The following SV2C variants were observed in gnomAD, a reference collection of about 807,000 sequenced individuals.
SV2C encodes the protein solute carrier family 22 member B3.
SV2C carries 49 observed loss-of-function variants against 79.7 expected under a neutral mutation model. The ratio of observed to expected loss-of-function variants is 0.61; its 90% CI spans 0.49 to 0.78. The LOEUF (loss-of-function observed/expected upper bound fraction) is 0.78, where lower values mean the gene tolerates loss of function less well. Among genes scored for constraint, SV2C ranks in the 30% least tolerant of loss-of-function variants. The pLI is 0.00. For synonymous variants in SV2C, 334 were observed against 333.2 expected (o/e 1.00, Z -0.03); for missense variants, 833 against 912.9 (o/e 0.91, Z 1.13).
chr5:76,003,300 T>C, the SV2C span, among the ~76,000 whole-genome samples: 1 of 152,096 alleles, frequency 6.6e-6, no homozygotes, highest in African/African-American at 2.4e-5. Context: ...ACTATAAAGA[T>C]GAGGTGGGAG....
intron 3 of SV2C, among the ~76,000 whole-genome samples, chr5:76,198,808 C>G (rs979344360): frequency 2.0e-5 from 3 of 152,130 alleles, no homozygotes; most frequent in African/African-American, 7.2e-5. Context: ...TCTCCAATTC[C>G]ATTCCAATTC....
chr5:75,891,246 G>A, the SV2C span, among the ~76,000 whole-genome samples: 4 of 152,106 alleles, frequency 2.6e-5, no homozygotes, highest in African/African-American at 9.7e-5. Context: ...CTGCAGAGGG[G>A]AAACAGAGAG....
intron 4 of SV2C, among the ~76,000 whole-genome samples, chr5:76,275,341 G>T (rs1425753422): frequency 1.3e-5 from 2 of 152,070 alleles, no homozygotes; most frequent in African/African-American, 4.8e-5. Context: ...CAAAAAATTA[G>T]CTGGGCATGG....
At chr5:76,075,202 A>G in the SV2C span, among the ~76,000 whole-genome samples, 2 of 152,148 alleles carry the variant, frequency 1.3e-5, no homozygotes, top group South Asian at 2.1e-4. Context: ...GCAAAGTTCT[A>G]TATGTCACAT....
At chr5:76,158,041 A>T (rs550200441) in intron 2 of SV2C, among the ~76,000 whole-genome samples, 1 of 151,864 alleles carries the variant, frequency 6.6e-6, no homozygotes, top group South Asian at 2.1e-4. Flanking sequence ...TTTTTAAAGT[A>T]GTAAAAAAAA....
chr5:75,968,882 C>A, the SV2C span, among the ~76,000 whole-genome samples: 18 of 151,938 alleles, frequency 1.2e-4, no homozygotes, highest in African/African-American at 3.9e-4. Context: ...GTCAGATTCA[C>A]CAAAGTTGAA....
the SV2C span, among the ~76,000 whole-genome samples, chr5:76,063,287 T>G: frequency 6.6e-6 from 1 of 152,110 alleles, no homozygotes; most frequent in African/African-American, 2.4e-5. Context: ...GAGGGGAAGC[T>G]AGGAATTCTT....
chr5:75,975,881 C>T, the SV2C span, among the ~76,000 whole-genome samples: 2 of 152,140 alleles, frequency 1.3e-5, no homozygotes, highest in Non-Finnish European at 2.9e-5. Flanking sequence ...AAACTGTCCT[C>T]TCTGATAGGC....
chr5:75,971,534 G>T, the SV2C span, among the ~76,000 whole-genome samples: 1 of 152,000 alleles, frequency 6.6e-6, no homozygotes, highest in Non-Finnish European at 1.5e-5. Context: ...ACCAATAACA[G>T]ACAAACAGAT....
rs772675705 is a variant in SV2C, at chr5:76,300,841, T to C, written c.1749T>C (p.Tyr583=). The C allele has an allele frequency of 6.2e-7, 1 of 1,614,210 alleles. No individual in the cohort carries two copies. Among genetic ancestry groups the C allele is most frequent in the Middle Eastern group, 1.6e-4 (1 of 6,062 alleles). ...ATGACTATAGTGCCTACTGGATTTA[T>C]TTTGTCAACTTTCTGGGGACATTGG... The part of the protein sequence containing the change: ...FDDDYSAYWI[Y]FVNFLGTLAV... The change falls in exon 11 of 13, where the codon TAT becomes TAC. Residue 583 remains tyrosine (Y), a synonymous_variant. Transcript: ENST00000502798.
At chr5:75,885,524 G>A in the SV2C span, among the ~76,000 whole-genome samples, 2 of 152,060 alleles carry the variant, frequency 1.3e-5, no homozygotes, top group Admixed American at 1.3e-4. Context: ...GATATGAGAA[G>A]CAAGAAAAAT....
chr5:76,123,718 C>G lies in SV2C; in HGVS notation c.-101-7932C>G, dbSNP rs905339488. Among the ~76,000 whole-genome samples, 3 of 152,146 alleles carry G rather than the reference C, an allele frequency of 2.0e-5. No individual in the cohort carries two copies. In the East Asian group the frequency reaches 5.8e-4, roughly 29 times the overall value. On this transcript the variant is annotated intron_variant, in intron 1 of 12. Coordinates refer to ENST00000502798, the MANE Select transcript of SV2C (RefSeq NM_014979.4). The stretch of plus-strand genomic sequence containing the variant: ...TCTATTGTTAGGAAAATTGTTTTGA[C>G]ATCACAGATTTCTTGAATAGTCTTG...
intron 4 of SV2C, among the ~76,000 whole-genome samples, chr5:76,239,298 A>T (rs1745709311): frequency 6.6e-6 from 1 of 152,212 alleles, no homozygotes; most frequent in Non-Finnish European, 1.5e-5. Context: ...TGCCATGTCC[A>T]TTGAGCAGTC....
At chr5:76,242,347 G>T (rs1745815005) in intron 4 of SV2C, 1 of 1,391,722 alleles carries the variant, frequency 7.2e-7, no homozygotes, top group Non-Finnish European at 9.9e-7. Context: ...GGGACGCAGC[G>T]GCGCGCGGGC....
At chr5:76,015,230 A>G in the SV2C span, among the ~76,000 whole-genome samples, 9 of 152,202 alleles carry the variant, frequency 5.9e-5, no homozygotes, top group African/African-American at 1.9e-4. Flanking sequence ...ATCTCTGAGT[A>G]ACCTTCACTA....
At chr5:76,100,579 A>T (rs1014534297) in intron 1 of SV2C, among the ~76,000 whole-genome samples, 1 of 152,212 alleles carries the variant, frequency 6.6e-6, no homozygotes, top group Non-Finnish European at 1.5e-5. Context: ...CAAATTGACC[A>T]TCTCCCTTGT....
Position 76,171,642 on chromosome 5 carries a change from C to T in SV2C, c.581-23277C>T, listed in dbSNP as rs1353563445. Among the ~76,000 whole-genome samples, 4 of 145,622 alleles carry T rather than the reference C, an allele frequency of 2.7e-5. No individual in the cohort carries two copies. In the East Asian group the frequency reaches 8.3e-4, roughly 30 times the overall value. ...GGTCAGCCCCCCGCCCGGCCAGCCGCCCCATCCGGGAGGGAGGTGGGGGGT... is the reference window on the plus strand; with the variant it reads ...GGTCAGCCCCCCGCCCGGCCAGCCGTCCCATCCGGGAGGGAGGTGGGGGGT... On this transcript the variant is annotated intron_variant, in intron 2 of 12. Coordinates refer to ENST00000502798, the MANE Select transcript of SV2C (RefSeq NM_014979.4).
chr5:75,855,102 A>G, the SV2C span, among the ~76,000 whole-genome samples: 1 of 152,236 alleles, frequency 6.6e-6, no homozygotes, highest in African/African-American at 2.4e-5. Flanking sequence ...ACTATTCTAT[A>G]TCTTTTGCAT....
intron 4 of SV2C, among the ~76,000 whole-genome samples, chr5:76,219,553 A>G (rs188297029): frequency 6.6e-6 from 1 of 152,286 alleles, no homozygotes; most frequent in Admixed American, 6.5e-5. Context: ...GGAAAGTCTC[A>G]CGTGCTGAAA....
Sources: gnomAD v4.1 joint callset for allele counts (sites outside exome capture counted in the v4.1 genomes callset) on GRCh38, gnomAD v4.1.1 for gene constraint, MANE v1.5 for transcripts, NCBI Gene and HGNC (gene_info 2026-07-23, HGNC 2026-07-21) for gene names.